The following FOXP2 variants were observed in gnomAD, a reference collection of about 807,000 sequenced individuals.
FOXP2 encodes the protein forkhead box protein P2.
In FOXP2, 12 loss-of-function variants were observed where a neutral mutation model predicts 115.8. The ratio of observed to expected loss-of-function variants is 0.10; its 90% CI spans 0.07 to 0.17. The LOEUF (loss-of-function observed/expected upper bound fraction) is 0.17. Ranked by LOEUF, FOXP2 falls within the 10% of genes least tolerant of loss-of-function variation. The pLI is 1.00. For missense variants in FOXP2, 629 were observed against 843.5 expected (o/e 0.75, Z 3.15); for synonymous variants, 328 against 297.7 (o/e 1.10, Z -1.05).
intron 2 of FOXP2, among the ~76,000 whole-genome samples, chr7:114,317,358 G>T (rs1208912862): frequency 7.2e-5 from 11 of 152,178 alleles, no homozygotes; most frequent in African/African-American, 2.4e-4. Flanking sequence ...GAGTGGATTT[G>T]AGAGAGTAGG....
At chr7:114,294,470 G>T (rs1796685951) in intron 2 of FOXP2, among the ~76,000 whole-genome samples, 1 of 152,092 alleles carries the variant, frequency 6.6e-6, no homozygotes, top group East Asian at 1.9e-4. Flanking sequence ...GAGCTCACTA[G>T]AAAAATAATA....
chr7:114,151,505 T>TATAGATAATCAAAAAGA (rs1792527628), intron 1 of FOXP2, among the ~76,000 whole-genome samples: 1 of 152,084 alleles, frequency 6.6e-6, no homozygotes, highest in Non-Finnish European at 1.5e-5. Context: ...AGACAAGGTT[T>TATAGATAATCAAAAAGA]TTGTTCTTAA....
chr7:114,315,622 A>G (rs1412951799), intron 2 of FOXP2, among the ~76,000 whole-genome samples: 2 of 152,004 alleles, frequency 1.3e-5, no homozygotes, highest in African/African-American at 4.8e-5. Context: ...ACACACACAC[A>G]CACACACACA....
At chr7:114,575,834 G>A (rs1801549838) in intron 3 of FOXP2, among the ~76,000 whole-genome samples, 1 of 151,882 alleles carries the variant, frequency 6.6e-6, no homozygotes. Flanking sequence ...ACTTATCAGT[G>A]TTGACAGTTT....
chr7:114,307,907 A>G (rs558562148), intron 2 of FOXP2, among the ~76,000 whole-genome samples: 33 of 152,258 alleles, frequency 2.2e-4, no homozygotes, highest in Admixed American at 4.6e-4. Flanking sequence ...ACTGAGCAAC[A>G]GGTCACATTA....
intron 1 of FOXP2, among the ~76,000 whole-genome samples, chr7:114,198,657 G>T (rs894238193): frequency 6.6e-6 from 1 of 152,180 alleles, no homozygotes; most frequent in African/African-American, 2.4e-5. Flanking sequence ...ATGTGGCCCA[G>T]TTCCTAACAG....
At chr7:114,188,612 CAG>C (rs1793674962) in intron 1 of FOXP2, among the ~76,000 whole-genome samples, 1 of 152,118 alleles carries the variant, frequency 6.6e-6, no homozygotes, top group Admixed American at 6.5e-5. Context: ...TGTTTTGAGA[CAG>C]AGTCTCGCTC....
chr7:114,552,330 T>C (rs1800249175), intron 3 of FOXP2, among the ~76,000 whole-genome samples: 1 of 152,194 alleles, frequency 6.6e-6, no homozygotes, highest in South Asian at 2.1e-4. Context: ...CTCCACCATT[T>C]ACTGACTGTA....
chr7:114,512,956 C>T (rs1798149298), intron 2 of FOXP2, among the ~76,000 whole-genome samples: 1 of 152,028 alleles, frequency 6.6e-6, no homozygotes, highest in African/African-American at 2.4e-5. Context: ...GTGGCACGCA[C>T]CTGTAGTCCC....
At chr7:114,545,546 A>G (rs751309344) in intron 3 of FOXP2, among the ~76,000 whole-genome samples, 2 of 152,190 alleles carry the variant, frequency 1.3e-5, no homozygotes, top group Non-Finnish European at 2.9e-5. Context: ...TATATCTGCT[A>G]CGCTCAATGG....
intron 1 of FOXP2, among the ~76,000 whole-genome samples, chr7:114,174,396 A>G (rs1294094147): frequency 6.6e-6 from 1 of 152,136 alleles, no homozygotes; most frequent in East Asian, 1.9e-4. Context: ...TTTGTGTCCT[A>G]GTATTTCTGT....
chr7:114,086,353 T>G, upstream of FOXP2: 1 of 404,668 alleles, frequency 2.5e-6, no homozygotes, highest in South Asian at 1.7e-5. Flanking sequence ...CGCCGGCGCG[T>G]GCAGCTCCGC....
intron 1 of FOXP2, among the ~76,000 whole-genome samples, chr7:114,171,129 C>T (rs1280032360): frequency 6.6e-6 from 1 of 152,166 alleles, no homozygotes; most frequent in Non-Finnish European, 1.5e-5. Context: ...TAATTAAATG[C>T]TAAATCTACT....
At chr7:114,208,622 A>C (rs1051872014) in intron 1 of FOXP2, among the ~76,000 whole-genome samples, 1 of 151,862 alleles carries the variant, frequency 6.6e-6, no homozygotes, top group African/African-American at 2.4e-5. Flanking sequence ...CTCATCTTGA[A>C]TTTTAGCTCC....
intron 2 of FOXP2, among the ~76,000 whole-genome samples, chr7:114,395,072 G>A (rs137940015): frequency 1.2e-4 from 18 of 152,212 alleles, no homozygotes; most frequent in Admixed American, 1.1e-3. Flanking sequence ...GTCTTTAACA[G>A]TTAAGGAAAA....
intron 1 of FOXP2, among the ~76,000 whole-genome samples, chr7:114,141,431 G>A (rs1163398918): frequency 6.6e-6 from 1 of 152,154 alleles, no homozygotes; most frequent in Non-Finnish European, 1.5e-5. Flanking sequence ...TCAAACTAAA[G>A]TTCCTCTATT....
intron 2 of FOXP2, among the ~76,000 whole-genome samples, chr7:114,403,773 A>G (rs1792950053): frequency 6.6e-6 from 1 of 152,204 alleles, no homozygotes; most frequent in Admixed American, 6.5e-5. Flanking sequence ...AGAAATTATG[A>G]AAGAACCTTA....
At chr7:114,268,632 T>C (rs893243434) in intron 1 of FOXP2, among the ~76,000 whole-genome samples, 2 of 152,074 alleles carry the variant, frequency 1.3e-5, no homozygotes. Context: ...TCTCAAAGTG[T>C]TGTTTCTTTA....
intron 1 of FOXP2, among the ~76,000 whole-genome samples, chr7:114,112,081 G>A (rs1791281947): frequency 6.6e-6 from 1 of 152,022 alleles, no homozygotes; most frequent in African/African-American, 2.4e-5. Context: ...CTTTATGGGC[G>A]TAATGCAATT....
Sources: allele counts gnomAD v4.1 joint callset (sites outside exome capture counted in the v4.1 genomes callset), GRCh38; gene constraint gnomAD v4.1.1; transcripts MANE v1.5; gene names NCBI Gene and HGNC (gene_info 2026-07-23, HGNC 2026-07-21).